Variants in HDGFL2 observed in about 807,000 individuals in gnomAD.
HDGFL2 encodes the protein HDGF like 2, also known as hepatoma-derived growth factor-related protein 2.
HDGFL2 carries 36 observed loss-of-function variants against 77.1 expected under a neutral mutation model. The observed-to-expected ratio is 0.47, with a 90% CI of 0.36 to 0.62. HDGFL2 has a LOEUF of 0.62. HDGFL2 is among the 20% of genes least tolerant of loss of function. HDGFL2 has a pLI of 0.00. For synonymous variants in HDGFL2, 463 were observed against 413.1 expected, an observed-to-expected ratio of 1.12 and a Z score of -1.46; for missense variants, 976 against 973.4, an observed-to-expected ratio of 1.00 and a Z score of -0.04.
intron 1 of HDGFL2, among the ~76,000 whole-genome samples, chr19:4,474,662 C>T (rs1187627002): frequency 6.6e-6 from 1 of 152,126 alleles, no homozygotes; most frequent in African/African-American, 2.4e-5. Flanking sequence ...CAGCTCTCTT[C>T]TTCCCAGAGC....
chr19:4,493,134 GTT>G (rs200849928), intron 6 of HDGFL2, among the ~76,000 whole-genome samples: 14,031 of 141,574 alleles, frequency 0.099, 882 homozygotes, highest in South Asian at 0.2. Context: ...TGGTGTGTGT[GTT>G]ATCTGTGTCT....
Position 4,491,753 on chromosome 19 carries a change from C to A in HDGFL2, c.607-11C>A. 6.2e-7 allele frequency: 1 copy of A among 1,613,972 alleles called. No individual in the cohort carries two copies. The highest frequency in any genetic ancestry group is 8.5e-7 in the Non-Finnish European group (1 of 1,179,992). ...CAGTGGGCCCCAGTTCAGCTCACTT[C>A]TCTCCCCCAGGACTTCACACCTGAG... On this transcript the variant is annotated splice_polypyrimidine_tract_variant and intron_variant, in intron 5 of 15. Coordinates refer to ENST00000616600, the MANE Select transcript of HDGFL2 (RefSeq NM_001001520.3).
intron 4 of HDGFL2, among the ~76,000 whole-genome samples, chr19:4,489,682 G>A (rs753757841): frequency 2.0e-5 from 3 of 152,152 alleles, no homozygotes; most frequent in Non-Finnish European, 4.4e-5. Context: ...GATTACAGGC[G>A]TTAGCCATGG....
chr19:4,484,385 G>A (rs1188791124), intron 3 of HDGFL2, among the ~76,000 whole-genome samples: 2 of 151,890 alleles, frequency 1.3e-5, no homozygotes, highest in Admixed American at 1.3e-4. Context: ...CGCCCGGCCT[G>A]TTTTATTATT....
intron 10 of HDGFL2, 162 bp from the exon 11 acceptor site, chr19:4,497,796 A>G (rs1975745925): frequency 3.2e-6 from 2 of 631,298 alleles, no homozygotes; most frequent in Non-Finnish European, 5.6e-6. Context: ...CCCTAGGCCT[A>G]GGCTGTGGCA....
At chr19:4,486,051 T>G (rs1453838637) in intron 3 of HDGFL2, among the ~76,000 whole-genome samples, 1 of 82,368 alleles carries the variant, frequency 1.2e-5, no homozygotes, top group Non-Finnish European at 2.3e-5. Context: ...AGACCCCGTC[T>G]CAAAAAAAAA....
Position 4,476,286 on chromosome 19 carries a change from G to A in HDGFL2, c.288+703G>A, listed in dbSNP as rs150848809. Among the ~76,000 whole-genome samples, 892 of 147,604 alleles carry A rather than the reference G, an allele frequency of 6.0e-3. 8 individuals carry two copies. The highest frequency in any genetic ancestry group is 0.015 in the Admixed American group (222 of 14,436). ...TCAGCTCACTGCAACCTCTGCCTCC[G>A]GGTCCAACTGACTCTGCTGCCTCAG... On this transcript the variant is annotated intron_variant, in intron 3 of 15. Coordinates refer to ENST00000616600, the MANE Select transcript of HDGFL2 (RefSeq NM_001001520.3).
At chr19:4,493,074 GGT>G (rs1231526295) in intron 6 of HDGFL2, among the ~76,000 whole-genome samples, 5 of 63,136 alleles carry the variant, frequency 7.9e-5, no homozygotes, top group South Asian at 4.1e-4. Context: ...GTCTGTGTGT[GGT>G]GTGTGTGTGT....
Position 4,482,026 on chromosome 19 carries a change from CTTTTTTTT to C in HDGFL2, c.288+6460_288+6467del, listed in dbSNP as rs34398630. 1.1e-4 allele frequency among the ~76,000 whole-genome samples: 8 copies of C among 71,664 alleles called. 1 individual carries two copies. The highest frequency in any genetic ancestry group is 4.2e-4 in the African/African-American group (7 of 16,548). 47.0% of individuals were successfully genotyped at this position (71,664 alleles called of 152,430 possible). A position where few individuals can be genotyped will look rare whatever the true frequency, so the allele number is the denominator to read the frequency against. On this transcript the variant is annotated intron_variant, in intron 3 of 15. Transcript: ENST00000616600. ...GGACTGGAAGTTGGCTGGCTTTGGC[CTTTTTTTT>C]TTTTTTTTTTTTTTTTGAGATGGAG...
At chr19:4,475,197 C>G (rs1189408160) in intron 1 of HDGFL2, 78 bp from the exon 2 acceptor site, 1 of 1,312,662 alleles carries the variant, frequency 7.6e-7, no homozygotes, top group Non-Finnish European at 1.1e-6. Flanking sequence ...GTGATTTGCC[C>G]CAAGTAACTT....
At chr19:4,476,907 A>C (rs1192431795) in intron 3 of HDGFL2, among the ~76,000 whole-genome samples, 1 of 150,992 alleles carries the variant, frequency 6.6e-6, no homozygotes, top group African/African-American at 2.4e-5. Flanking sequence ...GGCCGGGGTT[A>C]GTAGCCCAGG....
chr19:4,476,867 C>G (rs1568203411), intron 3 of HDGFL2, among the ~76,000 whole-genome samples: 1 of 151,514 alleles, frequency 6.6e-6, no homozygotes, highest in Admixed American at 6.6e-5. Context: ...TTTAACCACA[C>G]TGCTTTTGAG....
chr19:4,502,002 G>A lies in HDGFL2; in HGVS notation c.2008G>A (p.Glu670Lys), dbSNP rs1400368344. The A allele has an allele frequency of 3.3e-6, 5 of 1,517,500 alleles. No homozygotes were observed. The Admixed American group carries it at 9.3e-5, about 28-fold the overall frequency. The allele number at this position is 1,517,500 out of a possible 1,614,324, so 94.0% of individuals were successfully genotyped here. The change falls in exon 16 of 16, where the codon GAG becomes AAG. Residue 670 changes from glutamate to lysine, a missense_variant. This residue lies in a region of HDGFL2 where 229 missense variants were observed against 187.3 expected (regional missense o/e 1.22). Transcript: ENST00000616600. ...ARGDSEALDE[E>K]S is the part of the protein sequence containing the mutation. ...GGGGGACTCGGAGGCCCTGGACGAG[G>A]AGAGCTGAGCCGCGGGCAGCCAGGC...
chr19:4,487,776 G>A (rs969440040), intron 3 of HDGFL2, among the ~76,000 whole-genome samples: 7 of 152,172 alleles, frequency 4.6e-5, no homozygotes, highest in African/African-American at 1.7e-4. Flanking sequence ...TGTGTGACCC[G>A]GTCACGTGCC....
chr19:4,502,205 A>T lies in HDGFL2; in HGVS notation c.*195A>T, dbSNP rs574669437. 3.0e-6 allele frequency: 2 copies of T among 670,700 alleles called. No homozygotes were observed. The highest frequency in any genetic ancestry group is 3.7e-5 in the African/African-American group (2 of 54,708). 41.5% of individuals were successfully genotyped at this position (670,700 alleles called of 1,614,324 possible). ...GACTATAAATGGTTTTTTAATGAAA[A>T]AAGAAATCACTTTTATTGGCTTGGT... On this transcript the variant is annotated 3_prime_UTR_variant, in exon 16 of 16. Coordinates refer to ENST00000616600, the MANE Select transcript of HDGFL2 (RefSeq NM_001001520.3).
intron 3 of HDGFL2, among the ~76,000 whole-genome samples, chr19:4,483,895 T>G (rs926933616): frequency 2.6e-5 from 4 of 151,236 alleles, no homozygotes; most frequent in Non-Finnish European, 5.9e-5. Context: ...GTTCAAGCGA[T>G]TCTCCTGCCT....
intron 1 of HDGFL2, among the ~76,000 whole-genome samples, chr19:4,474,120 TAGGGCTGAGTCTCCC>T (rs923296480): frequency 1.3e-5 from 2 of 151,894 alleles, no homozygotes; most frequent in Admixed American, 6.6e-5. Flanking sequence ...CCCCAGGTCT[TAGGGCTGAGTCTCCC>T]AGGGCTGAGG....
In HDGFL2 at chr19:4,501,281, A is replaced by G. The variant is rs1262378314; in HGVS notation, c.1880A>G (p.Glu627Gly). The G allele has an allele frequency of 2.5e-6, 4 of 1,610,886 alleles. No individual in the cohort carries two copies. The highest frequency in any genetic ancestry group is 3.4e-6 in the Non-Finnish European group (4 of 1,178,226). ...KEHEEGRDSEEGPRCGSSEDL... is the reference protein window; with the variant it reads ...KEHEEGRDSEGGPRCGSSEDL... ...CACGAGGAGGGTCGGGACTCGGAGG[A>G]GGGGCCAAGGTGTGGCTCCTCTGAA... The change falls in exon 15 of 16, where the codon GAG becomes GGG. Residue 627 changes from glutamate to glycine, a missense_variant. By Grantham distance (98) the Glu-to-Gly change is moderately conservative. Transcript: ENST00000616600.
chr19:4,476,189 C>CT lies in HDGFL2; in HGVS notation c.288+628dup, dbSNP rs34154932. ...ACAGGCATGAGCCACTGTGCCCAGC[C>CT]TTTTTTTTTTTTTTTTTTTTTTGAG... On this transcript the variant is annotated intron_variant, in intron 3 of 15. Coordinates refer to ENST00000616600, the MANE Select transcript of HDGFL2 (RefSeq NM_001001520.3). 9.4e-3 allele frequency among the ~76,000 whole-genome samples: 791 copies of CT among 83,956 alleles called. 12 individuals carry two copies. The highest frequency in any genetic ancestry group is 0.019 in the African/African-American group (403 of 20,686). 55.1% of individuals were successfully genotyped at this position (83,956 alleles called of 152,430 possible).
Sources: gnomAD v4.1 joint callset for allele counts (sites outside exome capture counted in the v4.1 genomes callset) on GRCh38, gnomAD v4.1.1 for gene constraint, gnomAD v4.1.1 regional missense constraint, MANE v1.5 for transcripts, NCBI Gene and HGNC (gene_info 2026-07-23, HGNC 2026-07-21) for gene names.